Variants in SRGAP3 observed in about 807,000 individuals in gnomAD.
SRGAP3 encodes SLIT-ROBO Rho GTPase activating protein 3, also known as SLIT-ROBO Rho GTPase-activating protein 3.
In SRGAP3, 39 loss-of-function variants were observed where a neutral mutation model predicts 121.1. That is an observed-to-expected ratio of 0.32 (90% CI 0.25 to 0.42). SRGAP3 has a LOEUF of 0.42. Ranked by LOEUF, SRGAP3 falls within the 10% of genes least tolerant of loss-of-function variation. The pLI, the probability that SRGAP3 is intolerant of heterozygous loss-of-function variation, is 1.00. For synonymous variants in SRGAP3, 601 were observed against 570.0 expected, an observed-to-expected ratio of 1.05 and a Z score of -0.77; for missense variants, 1,213 against 1,470.6, an observed-to-expected ratio of 0.82 and a Z score of 2.86.
At chr3:8,998,185 A>G (rs1425228582) in intron 18 of SRGAP3, among the ~76,000 whole-genome samples, 8 of 152,180 alleles carry the variant, frequency 5.3e-5, no homozygotes, top group Non-Finnish European at 8.8e-5. Context: ...CACCACCCCC[A>G]GCTACAGAGC....
At chr3:9,195,659 A>G (rs74788557) in intron 1 of SRGAP3, among the ~76,000 whole-genome samples, 6,377 of 152,212 alleles carry the variant, frequency 0.042, 175 homozygotes, top group Middle Eastern at 0.099. Flanking sequence ...CTCTATTTCT[A>G]AAAAACTCAA....
intron 8 of SRGAP3, among the ~76,000 whole-genome samples, chr3:9,055,167 C>T (rs1945761449): frequency 6.6e-6 from 1 of 152,234 alleles, no homozygotes; most frequent in East Asian, 1.9e-4. Flanking sequence ...CAACCTCCCC[C>T]TGGGGACTGC....
intron 3 of SRGAP3, among the ~76,000 whole-genome samples, chr3:9,258,392 A>G (rs1346877681): frequency 6.6e-6 from 1 of 152,180 alleles, no homozygotes; most frequent in African/African-American, 2.4e-5. Context: ...GATGCTGGAC[A>G]GAGACATGGG....
chr3:9,210,288 A>T lies in SRGAP3; in HGVS notation c.67+38597T>A, dbSNP rs116279895. 3.2e-3 allele frequency among the ~76,000 whole-genome samples: 489 copies of T among 152,358 alleles called. 2 individuals are homozygous for T. Among genetic ancestry groups the T allele is most frequent in the African/African-American group, 0.011 (451 of 41,582 alleles). On this transcript the variant is annotated intron_variant, in intron 1 of 21. Coordinates refer to ENST00000383836, the MANE Select transcript of SRGAP3 (RefSeq NM_014850.4). The stretch of plus-strand genomic sequence containing the variant: ...ATGAACAGTACACTTAAAATGGGTG[A>T]ATTTTGTGGTACATAATTCACATTT...
chr3:9,335,457 T>C (rs1250633872), intron 1 of SRGAP3, among the ~76,000 whole-genome samples: 1 of 152,208 alleles, frequency 6.6e-6, no homozygotes, highest in Admixed American at 6.5e-5. Flanking sequence ...CATCAATTAG[T>C]AACCTCCAAG....
At chr3:9,226,736 A>G (rs1026534243) in intron 1 of SRGAP3, among the ~76,000 whole-genome samples, 2 of 152,116 alleles carry the variant, frequency 1.3e-5, no homozygotes, top group African/African-American at 4.8e-5. Flanking sequence ...GCCCACCTAC[A>G]TGGGGTGATG....
chr3:8,989,759 T>C (rs1941930172), intron 21 of SRGAP3, among the ~76,000 whole-genome samples: 1 of 152,184 alleles, frequency 6.6e-6, no homozygotes, highest in Non-Finnish European at 1.5e-5. Flanking sequence ...AAAAATCATA[T>C]AGATTTTTCA....
chr3:8,989,128 T>C (rs1432859496), intron 21 of SRGAP3, among the ~76,000 whole-genome samples: 1 of 152,224 alleles, frequency 6.6e-6, no homozygotes, highest in Non-Finnish European at 1.5e-5. Flanking sequence ...TAATCTGCTG[T>C]GAGAGCTACT....
At position 9,042,671 on chromosome 3, in the gene SRGAP3, G is replaced by C. The variant is rs74386473; in HGVS notation, c.1409-4581C>G. Among the ~76,000 whole-genome samples, 686 of 152,280 alleles carry C rather than the reference G, an allele frequency of 4.5e-3. 5 individuals carry two copies. The highest frequency in any genetic ancestry group is 0.024 in the Middle Eastern group (7 of 294). ...CAAATTTGTCCTGTTTGATTTGACT[G>C]TGTGTCTGGAGTCAAGGGCAAATTC... On this transcript the variant is annotated intron_variant, in intron 10 of 21. Transcript: ENST00000383836.
intron 18 of SRGAP3, among the ~76,000 whole-genome samples, chr3:9,000,753 G>C (rs73138128): frequency 0.024 from 3,580 of 152,262 alleles, 130 homozygotes; most frequent in African/African-American, 0.078. Context: ...TCCCTATAAT[G>C]GGGACAGAAT....
chr3:9,088,330 A>G (rs1947586773), intron 3 of SRGAP3, among the ~76,000 whole-genome samples: 1 of 152,188 alleles, frequency 6.6e-6, no homozygotes, highest in South Asian at 2.1e-4. Flanking sequence ...AGATTGACGG[A>G]GCACAGCCCT....
At chr3:9,089,372 A>C (rs1375381588) in intron 3 of SRGAP3, among the ~76,000 whole-genome samples, 1 of 148,952 alleles carries the variant, frequency 6.7e-6, no homozygotes, top group African/African-American at 2.5e-5. Flanking sequence ...GGCAGAGCCA[A>C]GATTCATCTT....
chr3:9,008,339 C>A (rs1278899647), intron 18 of SRGAP3: 1 of 152,294 alleles, frequency 6.6e-6, no homozygotes, highest in Non-Finnish European at 1.5e-5. Flanking sequence ...TGCCCATCAG[C>A]CCGAGGAGCT....
At chr3:9,196,754 G>A (rs915979700) in intron 1 of SRGAP3, among the ~76,000 whole-genome samples, 15 of 152,076 alleles carry the variant, frequency 9.9e-5, no homozygotes, top group Non-Finnish European at 1.8e-4. Context: ...AAAATGCAAA[G>A]ATAAGAGACA....
chr3:9,197,437 G>A (rs1206340277), intron 1 of SRGAP3, among the ~76,000 whole-genome samples: 3 of 152,166 alleles, frequency 2.0e-5, no homozygotes, highest in Admixed American at 1.3e-4. Context: ...TCCAGGTCTC[G>A]GTTTACCCAC....
intron 11 of SRGAP3, chr3:9,035,152 A>T (rs1238730077): frequency 6.6e-6 from 1 of 152,178 alleles, no homozygotes; most frequent in African/African-American, 2.4e-5. Context: ...ATCATAGAAC[A>T]TCCAGAAGTA....
At chr3:9,298,735 GA>G (rs1161858646) in intron 3 of SRGAP3, among the ~76,000 whole-genome samples, 1 of 152,140 alleles carries the variant, frequency 6.6e-6, no homozygotes, top group African/African-American at 2.4e-5. Flanking sequence ...GATTTAGATA[GA>G]GAGAGAAATA....
intron 1 of SRGAP3, among the ~76,000 whole-genome samples, chr3:9,188,326 G>A (rs1419439006): frequency 6.6e-6 from 1 of 152,198 alleles, no homozygotes; most frequent in Non-Finnish European, 1.5e-5. Flanking sequence ...TTAGAAGCAG[G>A]TAATTAGTGT....
intron 11 of SRGAP3, chr3:9,033,378 A>G (rs1399389363): frequency 6.6e-6 from 1 of 152,402 alleles, no homozygotes; most frequent in Admixed American, 6.5e-5. Flanking sequence ...GATAATGGTA[A>G]TATCCTGCTC....
Sources: gnomAD v4.1 joint callset for allele counts (sites outside exome capture counted in the v4.1 genomes callset) on GRCh38, gnomAD v4.1.1 for gene constraint, MANE v1.5 for transcripts, NCBI Gene and HGNC (gene_info 2026-07-23, HGNC 2026-07-21) for gene names.